The following AUTS2 variants were observed in gnomAD, a reference collection of about 807,000 sequenced individuals.
The protein encoded by AUTS2 is activator of transcription and developmental regulator AUTS2.
In AUTS2, 17 loss-of-function variants were observed where a neutral mutation model predicts 112.4. The observed-to-expected ratio is 0.15, with a 90% CI of 0.10 to 0.23. The LOEUF (loss-of-function observed/expected upper bound fraction) is 0.23. AUTS2 is among the 10% of genes least tolerant of loss of function. The pLI, the probability that AUTS2 is intolerant of heterozygous loss-of-function variation, is 1.00. For missense variants in AUTS2, 1,510 were observed against 1,701.6 expected (o/e 0.89, Z 1.98); for synonymous variants, 751 against 702.7 (o/e 1.07, Z -1.09).
intron 2 of AUTS2, among the ~76,000 whole-genome samples, chr7:70,045,500 TA>T (rs1801460525): frequency 6.6e-6 from 1 of 152,046 alleles, no homozygotes; most frequent in Non-Finnish European, 1.5e-5. Flanking sequence ...ATTTTATACC[TA>T]TTTTTACCTT....
At chr7:70,252,572 CT>C (rs373770871) in intron 4 of AUTS2, among the ~76,000 whole-genome samples, 52 of 151,880 alleles carry the variant, frequency 3.4e-4, no homozygotes, top group Admixed American at 7.2e-4. Context: ...CTGCTAATCG[CT>C]TTTTTTTGCC....
At chr7:70,141,180 G>A (rs1806842854) in intron 4 of AUTS2, among the ~76,000 whole-genome samples, 1 of 152,204 alleles carries the variant, frequency 6.6e-6, no homozygotes, top group African/African-American at 2.4e-5. Context: ...TTGCATAATA[G>A]TGTGGATTGA....
chr7:69,608,712 T>C (rs978235694), intron 1 of AUTS2, among the ~76,000 whole-genome samples: 2 of 152,262 alleles, frequency 1.3e-5, no homozygotes, highest in Non-Finnish European at 2.9e-5. Context: ...ACCCATTCTG[T>C]CTGTACATGT....
chr7:70,657,719 G>A (rs977963070), intron 5 of AUTS2, among the ~76,000 whole-genome samples: 1 of 152,138 alleles, frequency 6.6e-6, no homozygotes, highest in South Asian at 2.1e-4. Flanking sequence ...TGTCATCAGG[G>A]CTTTTTTTCC....
rs377447723 is a variant in AUTS2, at chr7:70,776,998, G to A, written c.1933-105G>A. On this transcript the variant is annotated intron_variant, in intron 13 of 18. Coordinates refer to ENST00000342771, the MANE Select transcript of AUTS2 (RefSeq NM_015570.4). The stretch of plus-strand genomic sequence containing the variant: ...AGAGTACAAAGCACTCTTGTTTCAC[G>A]AAAAAAGCCTCTGCAGCCAAAATCT... The A allele has an allele frequency of 2.7e-4, 296 of 1,087,688 alleles. 3 individuals are homozygous for A. The East Asian group carries it at 4.6e-3, about 17-fold the overall frequency. 67.4% of individuals were successfully genotyped at this position (1,087,688 alleles called of 1,614,324 possible).
At chr7:69,718,394 G>A (rs1751238173) in intron 1 of AUTS2, among the ~76,000 whole-genome samples, 1 of 152,120 alleles carries the variant, frequency 6.6e-6, no homozygotes, top group African/African-American at 2.4e-5. Context: ...TGTTCCTCGT[G>A]GAGGCTCTGG....
intron 2 of AUTS2, among the ~76,000 whole-genome samples, chr7:70,001,710 A>ATTTT (rs35638538): frequency 1.5e-5 from 2 of 132,824 alleles, no homozygotes; most frequent in African/African-American, 5.7e-5. Context: ...TCATTGTCAT[A>ATTTT]TTTTTTTTTT....
chr7:70,448,960 C>T (rs560049803), intron 5 of AUTS2, among the ~76,000 whole-genome samples: 17 of 152,286 alleles, frequency 1.1e-4, no homozygotes, highest in Non-Finnish European at 1.2e-4. Context: ...GTCATTGGAT[C>T]CTTTTGAAAC....
chr7:69,625,417 G>A (rs2533448), intron 1 of AUTS2, among the ~76,000 whole-genome samples: 93,355 of 151,962 alleles, frequency 0.61, 29,016 homozygotes, highest in East Asian at 0.71. Flanking sequence ...TGGTGGAAGG[G>A]CAGGCTTTGT....
chr7:69,787,898 T>G (rs1386110467), intron 1 of AUTS2, among the ~76,000 whole-genome samples: 1 of 152,136 alleles, frequency 6.6e-6, no homozygotes, highest in Non-Finnish European at 1.5e-5. Flanking sequence ...TGGCACCAGT[T>G]TTACCTACTT....
chr7:70,506,810 T>A (rs1030136069), intron 5 of AUTS2, among the ~76,000 whole-genome samples: 2 of 152,208 alleles, frequency 1.3e-5, no homozygotes, highest in Non-Finnish European at 2.9e-5. Context: ...CAGTTTCTTA[T>A]CTATATGGGG....
In AUTS2 at chr7:70,791,198, A is replaced by C. The variant is rs537712830; in HGVS notation, c.*202A>C. ...TGAGATTTTTCAGATCTTTTAGCCC[A>C]GTCATATGTTCTCACGTCTCCTACT... is the stretch of plus-strand genomic sequence containing the variant. On this transcript the variant is annotated 3_prime_UTR_variant, in exon 19 of 19. Coordinates refer to ENST00000342771, the MANE Select transcript of AUTS2 (RefSeq NM_015570.4). 2.0e-6 allele frequency: 1 copy of C among 494,650 alleles called. No homozygotes were observed. The highest frequency in any genetic ancestry group is 2.0e-5 in the African/African-American group (1 of 50,182). 30.6% of individuals were successfully genotyped at this position (494,650 alleles called of 1,614,324 possible).
Position 70,777,874 on chromosome 7 carries a change from G to A in AUTS2, c.2004+700G>A, listed in dbSNP as rs75199767. ...AGCTACAAATGAATGTTGGGTTTGG[G>A]TTTTTGTAAAAATAGTGACTGGTGC... is the stretch of plus-strand genomic sequence containing the variant. On this transcript the variant is annotated intron_variant, in intron 14 of 18. Transcript: ENST00000342771. Among the ~76,000 whole-genome samples the A allele has an allele frequency of 7.8e-3, 1,182 of 152,300 alleles. 12 individuals carry two copies. Among genetic ancestry groups the A allele is most frequent in the African/African-American group, 0.023 (945 of 41,564 alleles).
chr7:69,919,695 A>C (rs745331028), intron 2 of AUTS2, among the ~76,000 whole-genome samples: 1 of 152,170 alleles, frequency 6.6e-6, no homozygotes, highest in African/African-American at 2.4e-5. Context: ...CAGAATGCAG[A>C]TGTTGTATTC....
At chr7:70,122,619 T>C (rs1180488330) in intron 3 of AUTS2, among the ~76,000 whole-genome samples, 2 of 152,176 alleles carry the variant, frequency 1.3e-5, no homozygotes, top group Non-Finnish European at 2.9e-5. Flanking sequence ...TTCATATTGT[T>C]TATTATATTT....
intron 5 of AUTS2, among the ~76,000 whole-genome samples, chr7:70,539,032 C>A (rs1800437057): frequency 1.3e-5 from 2 of 152,086 alleles, no homozygotes; most frequent in Admixed American, 1.3e-4. Flanking sequence ...ACGTAGCAGA[C>A]CACAGAGTGA....
intron 2 of AUTS2, among the ~76,000 whole-genome samples, chr7:70,113,120 C>T (rs1286343890): frequency 1.3e-5 from 2 of 152,116 alleles, no homozygotes; most frequent in Non-Finnish European, 2.9e-5. Context: ...TTGCCCTGCC[C>T]TTGTGTCCAA....
At chr7:70,127,484 G>T (rs539701905) in intron 3 of AUTS2, among the ~76,000 whole-genome samples, 1 of 151,924 alleles carries the variant, frequency 6.6e-6, no homozygotes, top group South Asian at 2.1e-4. Flanking sequence ...TTTTCCTTAT[G>T]TCAGCTTCAA....
chr7:69,982,311 A>T (rs1186802190), intron 2 of AUTS2, among the ~76,000 whole-genome samples: 1 of 152,162 alleles, frequency 6.6e-6, no homozygotes, highest in Admixed American at 6.5e-5. Context: ...CTTCTCTCTC[A>T]GGGGACTGAA....
Sources: allele counts gnomAD v4.1 joint callset (sites outside exome capture counted in the v4.1 genomes callset), GRCh38; gene constraint gnomAD v4.1.1; transcripts MANE v1.5; gene names NCBI Gene and HGNC (gene_info 2026-07-23, HGNC 2026-07-21).